DNAJC3: variants seen among roughly 807,000 people sequenced by gnomAD.
The protein encoded by DNAJC3 is dnaJ homolog subfamily C member 3.
DNAJC3 carries 38 observed loss-of-function variants against 68.6 expected under a neutral mutation model. The observed-to-expected ratio is 0.55, with a 90% CI of 0.43 to 0.73. DNAJC3 has a LOEUF of 0.73. DNAJC3 is among the 30% of genes least tolerant of loss of function. The pLI is 0.00. For synonymous variants in DNAJC3, 203 were observed against 204.0 expected (o/e 1.00, Z 0.04); for missense variants, 526 against 591.9 (o/e 0.89, Z 1.16).
At chr13:95,784,200 C>T (rs1256743240) in intron 9 of DNAJC3, among the ~76,000 whole-genome samples, 1 of 152,172 alleles carries the variant, frequency 6.6e-6, no homozygotes, top group Non-Finnish European at 1.5e-5. Context: ...TCCCAGCAAT[C>T]TATTATTGGA....
intron 1 of DNAJC3, among the ~76,000 whole-genome samples, chr13:95,702,557 T>G (rs1304427626): frequency 6.6e-5 from 10 of 152,184 alleles, no homozygotes. Context: ...CCCTCATGAC[T>G]GGGATTAGTG....
At chr13:95,748,696 A>T (rs1882384251) in intron 4 of DNAJC3, among the ~76,000 whole-genome samples, 1 of 152,176 alleles carries the variant, frequency 6.6e-6, no homozygotes, top group Non-Finnish European at 1.5e-5. Context: ...CACGCCTGTA[A>T]TCCCAGCTAC....
intron 9 of DNAJC3, among the ~76,000 whole-genome samples, chr13:95,777,772 T>G (rs1444199796): frequency 1.3e-5 from 2 of 152,052 alleles, no homozygotes; most frequent in South Asian, 4.1e-4. Flanking sequence ...TAAAGCAAGA[T>G]AGAATATTAA....
rs1310251635 is a variant in DNAJC3, at chr13:95,677,264, C to T, written c.9C>T (p.Ala3=). The change falls in exon 1 of 12, where the codon GCC becomes GCT. Residue 3 remains alanine (A), a synonymous_variant. Coordinates refer to ENST00000602402, the MANE Select transcript of DNAJC3 (RefSeq NM_006260.5). ...CTCGCGAGCCCTCGGACATGGTGGCCCCCGGCTCCGTGACCAGCCGGCTGG... is the reference window on the plus strand; with the variant it reads ...CTCGCGAGCCCTCGGACATGGTGGCTCCCGGCTCCGTGACCAGCCGGCTGG... MV[A]PGSVTSRLGS... is the part of the protein sequence containing the mutation. 2 of 1,603,564 alleles carry T rather than the reference C, an allele frequency of 1.2e-6. No individual in the cohort carries two copies. Among genetic ancestry groups the T allele is most frequent in the South Asian group, 2.2e-5 (2 of 89,618 alleles).
At position 95,767,770 on chromosome 13, in the gene DNAJC3, A is replaced by G. The variant is rs118069510; in HGVS notation, c.1075+3817A>G. On this transcript the variant is annotated intron_variant, in intron 9 of 11. Transcript: ENST00000602402. ...AGTGGTGCAATATGGGCTCACTGCAACCTCCATCTCCTGGGTTCAGCTGAT... is the reference window on the plus strand; with the variant it reads ...AGTGGTGCAATATGGGCTCACTGCAGCCTCCATCTCCTGGGTTCAGCTGAT... Among the ~76,000 whole-genome samples the G allele has an allele frequency of 3.7e-3, 559 of 149,502 alleles. 5 individuals are homozygous for G. The highest frequency in any genetic ancestry group is 0.014 in the Middle Eastern group (4 of 282).
In DNAJC3 at chr13:95,677,172, G is replaced by T. The variant is rs150503008; in HGVS notation, c.-84G>T. On this transcript the variant is annotated 5_prime_UTR_variant, in exon 1 of 12. Transcript: ENST00000602402. ...TGAGGCCTGAGCGAGAGCCGACGGCGGGCGGGCGCAGCTGCTGCCGGAGCG... is the reference window on the plus strand; with the variant it reads ...TGAGGCCTGAGCGAGAGCCGACGGCTGGCGGGCGCAGCTGCTGCCGGAGCG... 12,451 of 1,311,830 alleles carry T rather than the reference G, an allele frequency of 9.5e-3. 76 individuals carry two copies. The highest frequency in any genetic ancestry group is 0.011 in the Non-Finnish European group (10,448 of 954,678). The allele number at this position is 1,311,830 out of a possible 1,614,324, so 81.3% of individuals were successfully genotyped here.
chr13:95,688,965 T>TGTGTGTGTGCGC (rs1491401957), intron 1 of DNAJC3, among the ~76,000 whole-genome samples: 2 of 130,910 alleles, frequency 1.5e-5, no homozygotes, highest in African/African-American at 5.2e-5. Context: ...TGTGTGTGTG[T>TGTGTGTGTGCGC]GCGCGCTGTT....
intron 9 of DNAJC3, among the ~76,000 whole-genome samples, chr13:95,778,595 A>AATACTGT (rs1261221563): frequency 3.9e-5 from 6 of 152,366 alleles, no homozygotes; most frequent in African/African-American, 1.4e-4. Flanking sequence ...CACACAGAAA[A>AATACTGT]ATACTGTATG....
chr13:95,717,540 C>T lies in DNAJC3; in HGVS notation c.194-5702C>T, dbSNP rs542884151. Among the ~76,000 whole-genome samples, 6 of 152,208 alleles carry T rather than the reference C, an allele frequency of 3.9e-5. No individual in the cohort carries two copies. The South Asian group carries it at 6.2e-4, about 16-fold the overall frequency. On this transcript the variant is annotated intron_variant, in intron 2 of 11. Transcript: ENST00000602402. ...CTGAGAGAATGAGTAAAACATTTTC[C>T]GTATCTAGATGATATGGTTTGGCTG... is the stretch of plus-strand genomic sequence containing the variant.
At chr13:95,753,774 A>G (rs867122912) in intron 4 of DNAJC3, among the ~76,000 whole-genome samples, 1 of 152,190 alleles carries the variant, frequency 6.6e-6, no homozygotes, top group African/African-American at 2.4e-5. Flanking sequence ...AGTACTTGCT[A>G]TGTGTTACAT....
intron 11 of DNAJC3, among the ~76,000 whole-genome samples, chr13:95,788,186 G>A (rs1248201129): frequency 2.6e-5 from 4 of 152,236 alleles, no homozygotes; most frequent in East Asian, 1.9e-4. Context: ...AGACAGAAAT[G>A]TACTTCCCTT....
At position 95,729,281 on chromosome 13, in the gene DNAJC3, C is replaced by A. The variant is rs544850738; in HGVS notation, c.393+4029C>A. On this transcript the variant is annotated intron_variant, in intron 4 of 11. Coordinates refer to ENST00000602402, the MANE Select transcript of DNAJC3 (RefSeq NM_006260.5). ...GCCTCCCTCTCCCTCTCCCCCTCCC[C>A]CTCCCTCTCCTTCTCCCTCTCCCTC... 2.7e-5 allele frequency among the ~76,000 whole-genome samples: 3 copies of A among 109,986 alleles called. 1 individual carries two copies. The highest frequency in any genetic ancestry group is 2.7e-4 in the Admixed American group (3 of 11,002). The allele number at this position is 109,986 out of a possible 152,430, so 72.2% of individuals were successfully genotyped here. A position where few individuals can be genotyped will look rare whatever the true frequency, so the allele number is the denominator to read the frequency against.
At chr13:95,701,493 T>TC (rs956192061) in intron 1 of DNAJC3, among the ~76,000 whole-genome samples, 1 of 151,980 alleles carries the variant, frequency 6.6e-6, no homozygotes, top group African/African-American at 2.4e-5. Flanking sequence ...TTCCTGGCCA[T>TC]CCCCCTGTAA....
At chr13:95,790,823 C>T (rs756434416) in intron 11 of DNAJC3, 50 bp from the exon 12 acceptor site, 1 of 1,586,622 alleles carries the variant, frequency 6.3e-7, no homozygotes, top group Non-Finnish European at 8.5e-7. Context: ...TTCCCCCTGC[C>T]CCTATACCTT....
intron 4 of DNAJC3, among the ~76,000 whole-genome samples, chr13:95,748,706 C>G (rs535658115): frequency 7.6e-4 from 115 of 152,314 alleles, no homozygotes; most frequent in African/African-American, 2.7e-3. Context: ...ATCCCAGCTA[C>G]TCAGGAAGCT....
At chr13:95,687,007 C>G (rs527877825) in intron 1 of DNAJC3, among the ~76,000 whole-genome samples, 1 of 152,058 alleles carries the variant, frequency 6.6e-6, no homozygotes, top group Non-Finnish European at 1.5e-5. Flanking sequence ...AATCCATGAG[C>G]CTGGGATGTT....
intron 9 of DNAJC3, among the ~76,000 whole-genome samples, chr13:95,782,149 C>T (rs1228180549): frequency 6.6e-6 from 1 of 152,116 alleles, no homozygotes; most frequent in Non-Finnish European, 1.5e-5. Flanking sequence ...TTTTTTATGG[C>T]TGCATAGTAT....
At chr13:95,764,683 TACAC>T (rs1555328231) in intron 9 of DNAJC3, among the ~76,000 whole-genome samples, 3 of 88,280 alleles carry the variant, frequency 3.4e-5, no homozygotes, top group South Asian at 4.0e-4. Flanking sequence ...TATATATATA[TACAC>T]ACACACACAT....
intron 8 of DNAJC3, 27 bp downstream of exon 8, chr13:95,763,775 G>A: frequency 1.9e-6 from 3 of 1,613,820 alleles, no homozygotes; most frequent in Non-Finnish European, 1.7e-6. Context: ...TCCCAGAAAT[G>A]TGAAAACTCA....
Sources: allele counts gnomAD v4.1 joint callset (sites outside exome capture counted in the v4.1 genomes callset), GRCh38; gene constraint gnomAD v4.1.1; transcripts MANE v1.5; gene names NCBI Gene and HGNC (gene_info 2026-07-23, HGNC 2026-07-21).